The following CSGALNACT1 variants were observed in gnomAD, a reference collection of about 807,000 sequenced individuals.
CSGALNACT1 encodes chondroitin sulfate N-acetylgalactosaminyltransferase 1.
CSGALNACT1 carries 52 observed loss-of-function variants against 51.0 expected under a neutral mutation model. That is an observed-to-expected ratio of 1.02 (90% CI 0.82 to 1.29). The LOEUF is 1.29. Ranked by LOEUF, CSGALNACT1 falls within the 50% of genes most tolerant of loss-of-function variation. The pLI, the probability that CSGALNACT1 is intolerant of heterozygous loss-of-function variation, is 0.00. For missense variants in CSGALNACT1, 935 were observed against 679.2 expected, an observed-to-expected ratio of 1.38 and a Z score of -4.19; for synonymous variants, 341 against 254.4, an observed-to-expected ratio of 1.34 and a Z score of -3.24.
At chr8:19,736,258 A>G (rs1735680474) in intron 1 of CSGALNACT1, among the ~76,000 whole-genome samples, 1 of 152,220 alleles carries the variant, frequency 6.6e-6, no homozygotes, top group African/African-American at 2.4e-5. Flanking sequence ...TTATTAGAAT[A>G]TCATTCATTT....
At chr8:19,598,853 G>A (rs528688778) in intron 2 of CSGALNACT1, among the ~76,000 whole-genome samples, 1 of 152,276 alleles carries the variant, frequency 6.6e-6, no homozygotes, top group Admixed American at 6.5e-5. Flanking sequence ...CTTCAGGTAG[G>A]AGACATCCCT....
At chr8:19,651,207 T>C (rs1366919327) in intron 1 of CSGALNACT1, among the ~76,000 whole-genome samples, 1 of 152,220 alleles carries the variant, frequency 6.6e-6, no homozygotes, top group Non-Finnish European at 1.5e-5. Flanking sequence ...TCAATGCCAC[T>C]GCATGGCAAA....
chr8:19,568,480 T>C (rs2042342026), intron 3 of CSGALNACT1, among the ~76,000 whole-genome samples: 1 of 152,196 alleles, frequency 6.6e-6, no homozygotes, highest in South Asian at 2.1e-4. Context: ...GGGTGCAATA[T>C]AGGCTCTGAT....
At chr8:19,490,213 C>T (rs1327952695) in intron 4 of CSGALNACT1, among the ~76,000 whole-genome samples, 1 of 152,096 alleles carries the variant, frequency 6.6e-6, no homozygotes, top group Non-Finnish European at 1.5e-5. Flanking sequence ...AAATACAGCA[C>T]ATAATACAGA....
intron 1 of CSGALNACT1, chr8:19,689,066 T>G (rs1589526991): frequency 2.0e-5 from 3 of 152,152 alleles, no homozygotes; most frequent in Admixed American, 1.3e-4. Context: ...AGTATGGCAG[T>G]TTTAAAACAT....
intron 8 of CSGALNACT1, among the ~76,000 whole-genome samples, chr8:19,414,555 T>C (rs1411008323): frequency 6.6e-6 from 1 of 151,300 alleles, no homozygotes; most frequent in Non-Finnish European, 1.5e-5. Flanking sequence ...ACTGCTGGTC[T>C]ATACATACAA....
intron 3 of CSGALNACT1, among the ~76,000 whole-genome samples, chr8:19,519,246 T>C (rs1296618911): frequency 6.6e-6 from 1 of 152,220 alleles, no homozygotes; most frequent in African/African-American, 2.4e-5. Context: ...CCATCACCTG[T>C]TGTCTCACTT....
chr8:19,696,958 G>T (rs1337129592), intron 1 of CSGALNACT1, among the ~76,000 whole-genome samples: 1 of 152,156 alleles, frequency 6.6e-6, no homozygotes, highest in African/African-American at 2.4e-5. Flanking sequence ...CACGTGATTT[G>T]GTGTAGCTCA....
At position 19,435,464 on chromosome 8, in the gene CSGALNACT1, G is replaced by A. The variant is rs1333988680; in HGVS notation, c.953+4366C>T. Among the ~76,000 whole-genome samples, 5 of 148,536 alleles carry A rather than the reference G, an allele frequency of 3.4e-5. No homozygotes were observed. In the South Asian group the frequency reaches 8.5e-4, roughly 25 times the overall value. ...GCCGAGACTGTGCCACTGCACTCCAGCCTGGTAAAAAAGTGAGACTCTGAA... is the reference window on the plus strand; with the variant it reads ...GCCGAGACTGTGCCACTGCACTCCAACCTGGTAAAAAAGTGAGACTCTGAA... On this transcript the variant is annotated intron_variant, in intron 6 of 9. Transcript: ENST00000454498.
intron 4 of CSGALNACT1, among the ~76,000 whole-genome samples, chr8:19,471,121 G>A (rs773404129): frequency 6.6e-6 from 1 of 151,654 alleles, no homozygotes; most frequent in African/African-American, 2.4e-5. Flanking sequence ...AACAAAAGGA[G>A]AGAGAGGGGA....
chr8:19,672,663 A>G (rs1008815523), intron 1 of CSGALNACT1, among the ~76,000 whole-genome samples: 1 of 152,216 alleles, frequency 6.6e-6, no homozygotes, highest in Non-Finnish European at 1.5e-5. Flanking sequence ...GGTAACATAA[A>G]TGAAAAGCAT....
intron 4 of CSGALNACT1, among the ~76,000 whole-genome samples, chr8:19,472,279 G>A (rs1285148534): frequency 6.6e-6 from 1 of 152,188 alleles, no homozygotes. Context: ...GATGTCGTGG[G>A]AAAGCACAAA....
intron 1 of CSGALNACT1, among the ~76,000 whole-genome samples, chr8:19,679,227 T>C (rs776503080): frequency 6.6e-6 from 1 of 152,100 alleles, no homozygotes; most frequent in Non-Finnish European, 1.5e-5. Context: ...CCGAGTAACG[T>C]GGATCGCTTG....
exon 4 of CSGALNACT1, chr8:19,505,729 G>A: frequency 6.2e-7 from 1 of 1,614,132 alleles, no homozygotes; most frequent in Non-Finnish European, 8.5e-7. Flanking sequence ...TCACCTTTTG[G>A]GGTGCAGGCC....
At chr8:19,664,930 C>T (rs1476014471) in intron 1 of CSGALNACT1, among the ~76,000 whole-genome samples, 1 of 152,134 alleles carries the variant, frequency 6.6e-6, no homozygotes, top group Admixed American at 6.5e-5. Context: ...GTAATGGGTA[C>T]AATGTATACT....
At chr8:19,602,831 C>G (rs919933938), upstream of CSGALNACT1, 4 of 152,130 alleles carry the variant, frequency 2.6e-5, no homozygotes, top group South Asian at 8.3e-4. Flanking sequence ...GGACTAAGCC[C>G]TTCCAGTTAA....
chr8:19,601,156 A>G (rs1370748796), intron 2 of CSGALNACT1, among the ~76,000 whole-genome samples: 1 of 152,250 alleles, frequency 6.6e-6, no homozygotes. Context: ...ACTGGTTACA[A>G]GAGCAGAACT....
chr8:19,407,880 G>T (rs1317798800), intron 9 of CSGALNACT1, among the ~76,000 whole-genome samples: 1 of 151,244 alleles, frequency 6.6e-6, no homozygotes, highest in African/African-American at 2.5e-5. Context: ...AATTGTGTGT[G>T]CATGTGGACA....
intron 1 of CSGALNACT1, among the ~76,000 whole-genome samples, chr8:19,635,401 C>G (rs1314495813): frequency 6.6e-6 from 1 of 152,238 alleles, no homozygotes; most frequent in Non-Finnish European, 1.5e-5. Context: ...TACCTGCCTA[C>G]TGGTGTTTTT....
Sources: gnomAD v4.1 joint callset for allele counts (sites outside exome capture counted in the v4.1 genomes callset) on GRCh38, gnomAD v4.1.1 for gene constraint, MANE v1.5 for transcripts, NCBI Gene and HGNC (gene_info 2026-07-23, HGNC 2026-07-21) for gene names.